The following TLN2 variants were observed in gnomAD, a reference collection of about 807,000 sequenced individuals.
TLN2 encodes talin 2.
TLN2 carries 118 observed loss-of-function variants against 294.7 expected under a neutral mutation model. That is an observed-to-expected ratio of 0.40 (90% CI 0.34 to 0.47). The LOEUF is 0.47. Among genes scored for constraint, TLN2 ranks in the 20% least tolerant of loss-of-function variants. The pLI, the probability that TLN2 is intolerant of heterozygous loss-of-function variation, is 0.84. For missense variants in TLN2, 3,083 were observed against 3,282.2 expected (o/e 0.94, Z 1.48); for synonymous variants, 1,431 against 1,304.5 (o/e 1.10, Z -2.09).
intron 5 of TLN2, among the ~76,000 whole-genome samples, chr15:62,650,900 A>G (rs992774122): frequency 2.6e-4 from 40 of 152,064 alleles, no homozygotes; most frequent in African/African-American, 9.7e-4. Flanking sequence ...ATATCCCCCA[A>G]ACATGTTACC....
chr15:62,738,427 G>T, intron 30 of TLN2, 94 bp downstream of exon 30: 1 of 1,415,596 alleles, frequency 7.1e-7, no homozygotes, highest in Non-Finnish European at 9.3e-7. Flanking sequence ...TCTCTGAGCA[G>T]CTAACCCTTC....
rs1274544421 is a variant in TLN2, at chr15:62,770,990, G to A, written c.5223G>A (p.Glu1741=). 4 of 1,602,650 alleles carry A rather than the reference G, an allele frequency of 2.5e-6. 1 individual carries two copies. The South Asian group carries it at 4.5e-5, about 18-fold the overall frequency. Residue 1741 remains glutamate, a synonymous_variant, in exon 42 of 59, where the codon GAG becomes GAA. Transcript: ENST00000636159. ...HKVTQLASYF[E]PLILAAVGVA... ...TGACACAACTGGCAAGCTATTTTGA[G>A]CCCTTGATCTTAGCCGCAGTTGGTG...
chr15:62,822,111 C>T (rs2067621864), intron 54 of TLN2, among the ~76,000 whole-genome samples: 1 of 152,198 alleles, frequency 6.6e-6, no homozygotes, highest in Non-Finnish European at 1.5e-5. Context: ...TCCCTTTGTC[C>T]TTCCGCAGGG....
intron 21 of TLN2, among the ~76,000 whole-genome samples, chr15:62,709,062 T>G (rs1288734051): frequency 2.0e-5 from 3 of 152,234 alleles, no homozygotes; most frequent in Non-Finnish European, 1.5e-5. Flanking sequence ...CCCTTTGTTC[T>G]GCGAATGCAC....
At chr15:62,724,571 C>G (rs1215592265) in intron 26 of TLN2, among the ~76,000 whole-genome samples, 1 of 151,986 alleles carries the variant, frequency 6.6e-6, no homozygotes, top group Non-Finnish European at 1.5e-5. Context: ...ATAGACTTGC[C>G]CCCAGAGTCC....
chr15:62,554,212 C>T (rs1567091412), intron 1 of TLN2, among the ~76,000 whole-genome samples: 1 of 151,576 alleles, frequency 6.6e-6, no homozygotes, highest in African/African-American at 2.4e-5. Context: ...CTGCCCCCCT[C>T]ACTGTGGCAG....
intron 8 of TLN2, among the ~76,000 whole-genome samples, chr15:62,656,411 CT>C (rs1252963785): frequency 1.3e-5 from 2 of 152,166 alleles, no homozygotes; most frequent in African/African-American, 2.4e-5. Context: ...CTAAAGGTTT[CT>C]TAGCTGGCAT....
At position 62,753,852 on chromosome 15, in the gene TLN2, G is replaced by T; in HGVS notation, c.4412G>T (p.Arg1471Met). 1 of 1,611,940 alleles carries T rather than the reference G, an allele frequency of 6.2e-7. No homozygotes were observed. Among genetic ancestry groups the T allele is most frequent in the Non-Finnish European group, 8.5e-7 (1 of 1,179,178 alleles). Residue 1471 changes from arginine (R) to methionine (M), a missense_variant, in exon 36 of 59, where the codon AGG (arginine) becomes ATG (methionine). Physicochemically the swap from Arg to Met is moderately conservative, Grantham distance 91. Transcript: ENST00000636159. ...CTGGTGGACCCCATCCAGTTTGCCAGGGCTAACCAGGCCATCCAGATGGCA... is the reference window on the plus strand; with the variant it reads ...CTGGTGGACCCCATCCAGTTTGCCATGGCTAACCAGGCCATCCAGATGGCA... ...QGLVDPIQFA[R>M]ANQAIQMACQ...
intron 1 of TLN2, among the ~76,000 whole-genome samples, chr15:62,503,244 C>T (rs1007821862): frequency 6.6e-6 from 1 of 152,206 alleles, no homozygotes; most frequent in Non-Finnish European, 1.5e-5. Context: ...AAGTCACTTA[C>T]TCAGTGAAAC....
At chr15:62,696,671 G>C (rs1027615164) in intron 14 of TLN2, among the ~76,000 whole-genome samples, 6 of 152,198 alleles carry the variant, frequency 3.9e-5, no homozygotes, top group Non-Finnish European at 7.3e-5. Context: ...TCACGCCACT[G>C]CACTCCAGTC....
chr15:62,740,780 G>T lies in TLN2; in HGVS notation c.4025+11G>T, dbSNP rs1250237565. 1.3e-5 allele frequency: 21 copies of T among 1,613,982 alleles called. No individual in the cohort carries two copies. Among genetic ancestry groups the T allele is most frequent in the Non-Finnish European group, 1.6e-5 (19 of 1,180,032 alleles). On this transcript the variant is annotated intron_variant, in intron 32 of 58. Transcript: ENST00000636159. ...GGCTGCAGCTGCAAGGTAGGAGTGG[G>T]ACACAATGTGCTTTCGTGTGTGGTT... is the stretch of plus-strand genomic sequence containing the variant.
intron 1 of TLN2, among the ~76,000 whole-genome samples, chr15:62,483,096 T>C (rs2038198435): frequency 1.3e-5 from 2 of 152,228 alleles, no homozygotes; most frequent in Non-Finnish European, 2.9e-5. Context: ...GGGAAGCTCC[T>C]TTGCTGGCTT....
chr15:62,593,109 T>C (rs1447430286), intron 2 of TLN2, among the ~76,000 whole-genome samples: 2 of 152,222 alleles, frequency 1.3e-5, no homozygotes, highest in Non-Finnish European at 2.9e-5. Flanking sequence ...TCTTTGCAGC[T>C]CTTTGTCATT....
At chr15:62,822,966 A>T (rs1194398261) in intron 54 of TLN2, among the ~76,000 whole-genome samples, 1 of 152,216 alleles carries the variant, frequency 6.6e-6, no homozygotes, top group Admixed American at 6.5e-5. Flanking sequence ...AAAATTAATG[A>T]CTGCTGAAGT....
chr15:62,512,911 C>G (rs1471159533), intron 1 of TLN2, among the ~76,000 whole-genome samples: 1 of 152,202 alleles, frequency 6.6e-6, no homozygotes, highest in South Asian at 2.1e-4. Flanking sequence ...AAACTGAACT[C>G]TAGTCTTAAA....
chr15:62,746,291 G>C (rs980883175), intron 32 of TLN2, among the ~76,000 whole-genome samples: 3 of 152,148 alleles, frequency 2.0e-5, no homozygotes, highest in Admixed American at 6.5e-5. Flanking sequence ...CCACCACCAT[G>C]TAGAACAGGG....
intron 21 of TLN2, among the ~76,000 whole-genome samples, chr15:62,711,154 G>A (rs1001363807): frequency 9.2e-5 from 14 of 152,140 alleles, no homozygotes; most frequent in Admixed American, 6.6e-5. Flanking sequence ...CTTCTCAGAT[G>A]ACCTTTGCTA....
chr15:62,800,552 G>T (rs1490676530), intron 49 of TLN2, 59 bp downstream of exon 49: 12 of 1,610,872 alleles, frequency 7.4e-6, no homozygotes, highest in African/African-American at 1.3e-5. Context: ...TTAAAGGAAG[G>T]AGAGGCGTCC....
chr15:62,834,363 G>C (rs755196762), intron 55 of TLN2: 3 of 152,098 alleles, frequency 2.0e-5, no homozygotes, highest in Non-Finnish European at 4.4e-5. Context: ...ACCGTTCGTG[G>C]GTTTGGGAAA....
Sources: allele counts gnomAD v4.1 joint callset (sites outside exome capture counted in the v4.1 genomes callset), GRCh38; gene constraint gnomAD v4.1.1; transcripts MANE v1.5; gene names NCBI Gene and HGNC (gene_info 2026-07-23, HGNC 2026-07-21).